ACTN4: variants seen among roughly 807,000 people sequenced by gnomAD.
The protein encoded by ACTN4 is actinin alpha 4.
A neutral mutation model predicts 114.2 loss-of-function variants in ACTN4; 18 were observed. The ratio of observed to expected loss-of-function variants is 0.16; its 90% CI spans 0.11 to 0.23. ACTN4 has a LOEUF of 0.23. ACTN4 is among the 10% of genes least tolerant of loss of function. ACTN4 has a pLI of 1.00. For synonymous variants in ACTN4, 515 were observed against 506.3 expected (o/e 1.02, Z -0.23); for missense variants, 722 against 1,262.9 (o/e 0.57, Z 6.49).
At chr19:38,706,849 C>T (rs1968477032) in intron 5 of ACTN4, among the ~76,000 whole-genome samples, 1 of 152,238 alleles carries the variant, frequency 6.6e-6, no homozygotes, top group Non-Finnish European at 1.5e-5. Flanking sequence ...GAACCTGCTT[C>T]CCTCAGGGTG....
chr19:38,700,871 TG>T, intron 2 of ACTN4, 130 bp from the exon 3 acceptor site: 1 of 1,430,830 alleles, frequency 7.0e-7, no homozygotes. Flanking sequence ...GGGGCCAGAG[TG>T]GCCTGGTGGG....
At chr19:38,658,402 A>G (rs143081514) in intron 1 of ACTN4, among the ~76,000 whole-genome samples, 98 of 152,280 alleles carry the variant, frequency 6.4e-4, no homozygotes, top group African/African-American at 2.2e-3. Context: ...ATTTCCCACA[A>G]ATCCCAAGCA....
At chr19:38,673,164 A>T (rs990816389) in intron 1 of ACTN4, among the ~76,000 whole-genome samples, 3 of 150,524 alleles carry the variant, frequency 2.0e-5, no homozygotes, top group Non-Finnish European at 4.4e-5. Context: ...GCTGGTCTCA[A>T]GCCCCTGACC....
intron 8 of ACTN4, chr19:38,710,791 G>A: frequency 3.2e-6 from 1 of 313,678 alleles, no homozygotes; most frequent in Non-Finnish European, 6.3e-6. Context: ...GTTCCAGGCA[G>A]AGGGTGAAGC....
At position 38,730,704 on chromosome 19, in the gene ACTN4, G is replaced by A. The variant is rs1287141452; in HGVS notation, c.*1272G>A. 1 of 909,834 alleles carries A rather than the reference G, an allele frequency of 1.1e-6. No individual in the cohort carries two copies. Among genetic ancestry groups the A allele is most frequent in the Admixed American group, 2.1e-5 (1 of 47,156 alleles). 56.4% of individuals were successfully genotyped at this position (909,834 alleles called of 1,614,324 possible). On this transcript the variant is annotated 3_prime_UTR_variant, in exon 21 of 21. Transcript: ENST00000252699. ...GAGTGAGGAGTACGCAGGCCAGAGT[G>A]GTCACCCGGCCGTGAGCAGTGAGGG...
Position 38,729,934 on chromosome 19 carries a change from A to G in ACTN4, c.*502A>G, listed in dbSNP as rs2145121954. On this transcript the variant is annotated 3_prime_UTR_variant, in exon 21 of 21. Coordinates refer to ENST00000252699, the MANE Select transcript of ACTN4 (RefSeq NM_004924.6). ...AGCCCCTCTCCCCTCTCTGCTCCAG[A>G]CTCACTTGCCATTGCCAGGAGATGG... 3.0e-6 allele frequency: 1 copy of G among 338,462 alleles called. No individual in the cohort carries two copies. Among genetic ancestry groups the G allele is most frequent in the East Asian group, 8.2e-5 (1 of 12,242 alleles). 21.0% of individuals were successfully genotyped at this position (338,462 alleles called of 1,614,324 possible).
intron 1 of ACTN4, among the ~76,000 whole-genome samples, chr19:38,682,431 G>C (rs1268199104): frequency 6.6e-6 from 1 of 151,888 alleles, no homozygotes; most frequent in Non-Finnish European, 1.5e-5. Flanking sequence ...CAGTCCTCTC[G>C]CCTTGGCCTC....
chr19:38,698,493 GGAGACAAGAACTGTTA>G (rs2144983501), intron 1 of ACTN4, among the ~76,000 whole-genome samples: 1 of 152,318 alleles, frequency 6.6e-6, no homozygotes, highest in Admixed American at 6.5e-5. Context: ...AAGAACTGTT[GGAGACAAGAACTGTTA>G]GAGACCAGAG....
intron 1 of ACTN4, among the ~76,000 whole-genome samples, chr19:38,664,018 C>T (rs1976973653): frequency 6.6e-6 from 1 of 152,236 alleles, no homozygotes; most frequent in Admixed American, 6.5e-5. Context: ...GCGTGTGGTG[C>T]TGCACACTGC....
intron 1 of ACTN4, among the ~76,000 whole-genome samples, chr19:38,656,844 A>G (rs1331592069): frequency 6.6e-6 from 1 of 151,840 alleles, no homozygotes; most frequent in East Asian, 1.9e-4. Context: ...TTTTCTTTTC[A>G]TCTTTTCCCC....
chr19:38,704,888 C>T (rs1470370467), intron 3 of ACTN4, 46 bp from the exon 4 acceptor site: 1 of 1,582,564 alleles, frequency 6.3e-7, no homozygotes, highest in Non-Finnish European at 8.7e-7. Flanking sequence ...GAGCCTCACT[C>T]TGGTTTTAAC....
intron 1 of ACTN4, among the ~76,000 whole-genome samples, chr19:38,667,286 G>A (rs1032453644): frequency 6.6e-6 from 1 of 152,108 alleles, no homozygotes; most frequent in Non-Finnish European, 1.5e-5. Flanking sequence ...AGCTGTCACC[G>A]CCAAGCCTCT....
At chr19:38,718,399 A>T in intron 11 of ACTN4, 1 of 416,416 alleles carries the variant, frequency 2.4e-6, no homozygotes, top group South Asian at 2.0e-5. Context: ...AGCCAGGCAT[A>T]GTGGTGCACA....
At chr19:38,659,845 A>G (rs78090757) in intron 1 of ACTN4, among the ~76,000 whole-genome samples, 213 of 151,312 alleles carry the variant, frequency 1.4e-3, no homozygotes, top group African/African-American at 5.0e-3. Flanking sequence ...GTGCCCCCTT[A>G]TTTGGGATTG....
chr19:38,708,763 G>A (rs183290009), intron 6 of ACTN4, among the ~76,000 whole-genome samples: 5 of 152,356 alleles, frequency 3.3e-5, no homozygotes, highest in Admixed American at 6.5e-5. Flanking sequence ...CTGCGGAGGA[G>A]GCTAGTGTAC....
Position 38,730,931 on chromosome 19 carries a change from G to C in ACTN4, c.*1499G>C, listed in dbSNP as rs1316266058. 1 of 1,550,528 alleles carries C rather than the reference G, an allele frequency of 6.4e-7. No individual in the cohort carries two copies. Among genetic ancestry groups the C allele is most frequent in the Non-Finnish European group, 8.7e-7 (1 of 1,147,034 alleles). On this transcript the variant is annotated 3_prime_UTR_variant, in exon 21 of 21. Coordinates refer to ENST00000252699, the MANE Select transcript of ACTN4 (RefSeq NM_004924.6). ...TGAGGCAGGGAGCTCGCAGGACAGAGCCTGAGCCACCCTGTCCCTCCCACC... is the reference window on the plus strand; with the variant it reads ...TGAGGCAGGGAGCTCGCAGGACAGACCCTGAGCCACCCTGTCCCTCCCACC...
intron 3 of ACTN4, among the ~76,000 whole-genome samples, chr19:38,704,717 GC>G (rs1247708447): frequency 6.6e-6 from 1 of 152,244 alleles, no homozygotes; most frequent in Non-Finnish European, 1.5e-5. Flanking sequence ...GCCTGCAGGC[GC>G]TCAGCAGCAG....
chr19:38,660,242 T>C (rs1269157502), intron 1 of ACTN4, among the ~76,000 whole-genome samples: 2 of 152,056 alleles, frequency 1.3e-5, no homozygotes. Flanking sequence ...ACGTTCTTGA[T>C]CTATCACAGG....
chr19:38,668,553 G>T (rs151029786), intron 1 of ACTN4, among the ~76,000 whole-genome samples: 1 of 152,284 alleles, frequency 6.6e-6, no homozygotes, highest in African/African-American at 2.4e-5. Context: ...GGGCATGGTG[G>T]TGCGCGCCTG....
Sources: allele counts gnomAD v4.1 joint callset (sites outside exome capture counted in the v4.1 genomes callset), GRCh38; gene constraint gnomAD v4.1.1; transcripts MANE v1.5; gene names NCBI Gene and HGNC (gene_info 2026-07-23, HGNC 2026-07-21).